TMEM191B: variants seen among roughly 807,000 people sequenced by gnomAD.
TMEM191B encodes transmembrane protein 191B.
A neutral mutation model predicts 26.6 loss-of-function variants in TMEM191B; 8 were observed. The ratio of observed to expected loss-of-function variants is 0.30; its 90% CI spans 0.18 to 0.54. The LOEUF is 0.54. TMEM191B is among the 20% of genes least tolerant of loss of function. The pLI, the probability that TMEM191B is intolerant of heterozygous loss-of-function variation, is 0.94. For synonymous variants in TMEM191B, 29 were observed against 113.7 expected (o/e 0.26, Z 4.74); for missense variants, 64 against 241.2 (o/e 0.27, Z 4.87).
At position 18,530,261 on chromosome 22, in the gene TMEM191B, CG is replaced by C; in HGVS notation, c.844del (p.Val282CysfsTer9). On this transcript the variant is annotated frameshift_variant, in exon 9 of 9. Transcript: ENST00000612978. LOFTEE classifies it high-confidence loss of function. ...GPRALAIRRC[V>X]LGALQVLLTL... ...CCCGCCTTTCGCCCCGCAGGCGGTG[CG>C]TGCTGGGCGCGCTGCAGGTGCTGCT... The C allele has an allele frequency of 1.8e-6, 1 of 547,796 alleles. No homozygotes were observed. Among genetic ancestry groups the C allele is most frequent in the Non-Finnish European group, 2.4e-6 (1 of 412,234 alleles). The allele number at this position is 547,796 out of a possible 1,614,324, so 33.9% of individuals were successfully genotyped here. A position where few individuals can be genotyped will look rare whatever the true frequency, so the allele number is the denominator to read the frequency against.
chr22:18,530,316 T>C lies in TMEM191B; in HGVS notation c.898T>C (p.Ser300Pro). The C allele has an allele frequency of 1.6e-6, 1 of 615,758 alleles. No individual in the cohort carries two copies. The allele number at this position is 615,758 out of a possible 1,614,324, so 38.1% of individuals were successfully genotyped here. The change falls in exon 9 of 9, where the codon TCG (serine) becomes CCG (proline). Residue 300 changes from serine (S) to proline (P), a missense_variant. Coordinates refer to ENST00000612978, the MANE Select transcript of TMEM191B (RefSeq NM_001242313.1). ...GCTGCCGCTCCTCTTCCTGGGGCTG[T>C]CGCTGCTCTGGACGGTGCTGTTGGA... Reference protein sequence around the residue: ...LTLPLLFLGLSLLWTVLLDPG... With the variant: ...LTLPLLFLGLPLLWTVLLDPG...
Position 18,528,573 on chromosome 22 carries a change from G to A in TMEM191B, c.311G>A (p.Arg104Gln), listed in dbSNP as rs1422801315. 5 of 1,437,334 alleles carry A rather than the reference G, an allele frequency of 3.5e-6. No individual in the cohort carries two copies. In the South Asian group the frequency reaches 5.4e-5, roughly 16 times the overall value. The allele number at this position is 1,437,334 out of a possible 1,614,324, so 89.0% of individuals were successfully genotyped here. Residue 104 changes from arginine to glutamine, a missense_variant, in exon 2 of 9, where the codon CGA (arginine) becomes CAA (glutamine). Physicochemically the swap from Arg to Gln is conservative, Grantham distance 43 (BLOSUM62 1). Coordinates refer to ENST00000612978, the MANE Select transcript of TMEM191B (RefSeq NM_001242313.1). ...TCCCTCTGCAGCCTGCTGCGGAGGC[G>A]AAGCCAGGCAGCGCAGCCTCTGCAA... ...SERERSLLRR[R>Q]SQAAQPLQGE...
Position 18,527,942 on chromosome 22 carries a change from ATCCGGCCTGACCCGCC to A in TMEM191B, c.-31_-16del. 1 of 288,096 alleles carries A rather than the reference ATCCGGCCTGACCCGCC, an allele frequency of 3.5e-6. No individual in the cohort carries two copies. The highest frequency in any genetic ancestry group is 5.8e-6 in the Non-Finnish European group (1 of 172,478). 17.8% of individuals were successfully genotyped at this position (288,096 alleles called of 1,614,324 possible). On this transcript the variant is annotated 5_prime_UTR_variant, in exon 1 of 9. Transcript: ENST00000612978. ...TTTCATCAGTGATGGACTAAGTGTG[ATCCGGCCTGACCCGCC>A]TCCGGCCGGCGTGAGAAGGGGCATG...
rs1437625475 is a variant in TMEM191B at position 18,529,979 on chromosome 22, C to A, written c.766C>A (p.Leu256Ile). Residue 256 changes from leucine to isoleucine, a missense_variant, in exon 7 of 9, where the codon CTC becomes ATC. Coordinates refer to ENST00000612978, the MANE Select transcript of TMEM191B (RefSeq NM_001242313.1). ...LRGVQYSTES[L>I]MEEMARADRE... ...CGGAGTGCAGTACAGCACCGAGTCG[C>A]TCATGGAGGAGATGGCCAGGGCGGA... The A allele has an allele frequency of 6.8e-7, 1 of 1,480,192 alleles. No individual in the cohort carries two copies. The highest frequency in any genetic ancestry group is 1.7e-5 in the African/African-American group (1 of 59,748). 91.7% of individuals were successfully genotyped at this position (1,480,192 alleles called of 1,614,324 possible). A position where few individuals can be genotyped will look rare whatever the true frequency, so the allele number is the denominator to read the frequency against.
chr22:18,529,042 G>A lies in TMEM191B; in HGVS notation c.495G>A (p.Gln165=), dbSNP rs182170117. ...AGCTCTTCTACGGAGGGGAACCGCA[G>A]AGCCAGAAGAGCACGGAGCAGCAAC... ...SSQLFYGGEP[Q]SQKSTEQQLA... Residue 165 remains glutamine (Q), a synonymous_variant, in exon 4 of 9, where the codon CAG becomes CAA. Transcript: ENST00000612978. The A allele has an allele frequency of 5.7e-3, 2,885 of 509,762 alleles. 216 individuals carry two copies. The African/African-American group carries it at 0.1, about 18-fold the overall frequency. 31.6% of individuals were successfully genotyped at this position (509,762 alleles called of 1,614,324 possible).
Position 18,528,591 on chromosome 22 carries a change from C to A in TMEM191B, c.329C>A (p.Pro110His). Residue 110 changes from proline (P) to histidine (H), a missense_variant, in exon 2 of 9, where the codon CCT (proline) becomes CAT (histidine). Physicochemically the swap from Pro to His is moderately conservative, Grantham distance 77. Around this residue, in one of 5 missense-constraint regions of TMEM191B, gnomAD observed 16 missense variants for 50.5 expected, o/e 0.32. Coordinates refer to ENST00000612978, the MANE Select transcript of TMEM191B (RefSeq NM_001242313.1). ...LLRRRSQAAQ[P>H]LQGEAREAAR... ...CGGAGGCGAAGCCAGGCAGCGCAGCCTCTGCAAGGGGAGGCGCGCGAGGCG... is the reference window on the plus strand; with the variant it reads ...CGGAGGCGAAGCCAGGCAGCGCAGCATCTGCAAGGGGAGGCGCGCGAGGCG... 1 of 1,419,094 alleles carries A rather than the reference C, an allele frequency of 7.0e-7. No individual in the cohort carries two copies. Among genetic ancestry groups the A allele is most frequent in the Non-Finnish European group, 9.3e-7 (1 of 1,078,530 alleles). 87.9% of individuals were successfully genotyped at this position (1,419,094 alleles called of 1,614,324 possible).
rs1185381404 is a variant in TMEM191B at position 18,528,669 on chromosome 22, A to T, written c.407A>T (p.His136Leu). 16 of 1,473,200 alleles carry T rather than the reference A, an allele frequency of 1.1e-5. No homozygotes were observed. Among genetic ancestry groups the T allele is most frequent in the Non-Finnish European group, 1.3e-5 (15 of 1,124,752 alleles). 91.3% of individuals were successfully genotyped at this position (1,473,200 alleles called of 1,614,324 possible). A position where few individuals can be genotyped will look rare whatever the true frequency, so the allele number is the denominator to read the frequency against. The part of the protein sequence containing the change: ...VRRRLEEAER[H>L]KEDLEQHSRQ... ...AGAAGACTGGAGGAGGCGGAGCGCCACAAGGAGGACTTGGTGAGGAAGAGT... is the reference window on the plus strand; with the variant it reads ...AGAAGACTGGAGGAGGCGGAGCGCCTCAAGGAGGACTTGGTGAGGAAGAGT... Residue 136 changes from histidine (H) to leucine (L), a missense_variant, in exon 2 of 9, where the codon CAC (histidine) becomes CTC (leucine). His to Leu is a moderately conservative substitution (Grantham distance 99). Transcript: ENST00000612978.
At position 18,528,634 on chromosome 22, in the gene TMEM191B, G is replaced by A. The variant is rs561583544; in HGVS notation, c.372G>A (p.Glu124=). The A allele has an allele frequency of 1.4e-5, 20 of 1,480,306 alleles. 1 individual carries two copies. The South Asian group carries it at 2.3e-4, about 17-fold the overall frequency. The allele number at this position is 1,480,306 out of a possible 1,614,324, so 91.7% of individuals were successfully genotyped here. A position where few individuals can be genotyped will look rare whatever the true frequency, so the allele number is the denominator to read the frequency against. ...EAREAARERA[E]RVRRRLEEAE... is the part of the protein sequence containing the mutation. ...GCGAGGCGGCGCGGGAGCGCGCGGA[G>A]CGGGTGCGCAGAAGACTGGAGGAGG... Residue 124 remains glutamate (E), a synonymous_variant, in exon 2 of 9, where the codon GAG becomes GAA. Transcript: ENST00000612978.
rs1350686667 is a variant in TMEM191B at position 18,530,441 on chromosome 22, C to T, written c.1023C>T (p.Asn341=). The T allele has an allele frequency of 8.8e-6, 5 of 566,306 alleles. No homozygotes were observed. In the African/African-American group the frequency reaches 1.5e-4, roughly 17 times the overall value. 35.1% of individuals were successfully genotyped at this position (566,306 alleles called of 1,614,324 possible). The part of the protein sequence containing the change: ...TLSPLLELRA[N]GLLPT ...CCCCGCTGCTGGAGCTGCGCGCTAA[C>T]GGGCTGCTGCCAACCTAAGTGCAGC... is the stretch of plus-strand genomic sequence containing the variant. The change falls in exon 9 of 9, where the codon AAC becomes AAT. Residue 341 remains asparagine, a synonymous_variant. Transcript: ENST00000612978.
chr22:18,528,220 G>A lies in TMEM191B; in HGVS notation c.240G>A (p.Glu80=). Residue 80 remains glutamate (E), a synonymous_variant, in exon 1 of 9, where the codon GAG becomes GAA. Coordinates refer to ENST00000612978, the MANE Select transcript of TMEM191B (RefSeq NM_001242313.1). The part of the protein sequence containing the change: ...QELEKLMRGL[E]AESESLNQRL... ...TAGAGAAGCTGATGCGCGGGCTCGA[G>A]GCCGAGAGCGAGAGCCTCAACCAGC... 1.2e-6 allele frequency: 1 copy of A among 834,568 alleles called. No homozygotes were observed. The highest frequency in any genetic ancestry group is 1.6e-6 in the Non-Finnish European group (1 of 627,672). 51.7% of individuals were successfully genotyped at this position (834,568 alleles called of 1,614,324 possible).
chr22:18,528,504 G>A (rs1932827878), intron 1 of TMEM191B, 55 bp from the exon 2 acceptor site: 1 of 888,570 alleles, frequency 1.1e-6, no homozygotes, highest in Non-Finnish European at 1.6e-6. Context: ...GGCGACTGCG[G>A]GATCCTGAGC....
intron 2 of TMEM191B, 36 bp downstream of exon 2, chr22:18,528,718 G>C: frequency 1.1e-6 from 1 of 882,798 alleles, no homozygotes; most frequent in Non-Finnish European, 1.6e-6. Flanking sequence ...TGGACCCAGG[G>C]TGGGGTGAGG....
Position 18,530,221 on chromosome 22 carries a change from G to A in TMEM191B, c.836+25G>A. 2 of 529,274 alleles carry A rather than the reference G, an allele frequency of 3.8e-6. 1 individual carries two copies. Among genetic ancestry groups the A allele is most frequent in the Non-Finnish European group, 5.0e-6 (2 of 401,570 alleles). 32.8% of individuals were successfully genotyped at this position (529,274 alleles called of 1,614,324 possible). A position where few individuals can be genotyped will look rare whatever the true frequency, so the allele number is the denominator to read the frequency against. On this transcript the variant is annotated intron_variant, in intron 8 of 8. Coordinates refer to ENST00000612978, the MANE Select transcript of TMEM191B (RefSeq NM_001242313.1). ...GGTGAGCCGGGCGGTGGGCGCGGCC[G>A]CGGTCCCCCACCTGCCCGCCTTTCG...
chr22:18,530,420 G>T lies in TMEM191B; in HGVS notation c.1002G>T (p.Pro334=), dbSNP rs1352019416. The T allele has an allele frequency of 3.1e-4, 174 of 559,486 alleles. 13 individuals carry two copies. In the African/African-American group the frequency reaches 4.6e-3, roughly 15 times the overall value. The allele number at this position is 559,486 out of a possible 1,614,324, so 34.7% of individuals were successfully genotyped here. Residue 334 remains proline, a synonymous_variant, in exon 9 of 9, where the codon CCG becomes CCT. Coordinates refer to ENST00000612978, the MANE Select transcript of TMEM191B (RefSeq NM_001242313.1). ...GCCGCCTGCGCTACACGCTGTCCCC[G>T]CTGCTGGAGCTGCGCGCTAACGGGC... ...TLRRLRYTLS[P]LLELRANGLL...
chr22:18,528,838 CAGG>C lies in TMEM191B; in HGVS notation c.445_447del (p.Glu149del). ...GCAGGAGCAGCACAGCAGGCAGCTG[CAGG>C]AGCAGTGGGAGGAGCTGTCGAGTCA... On this transcript the variant is annotated inframe_deletion, in exon 3 of 9. Transcript: ENST00000612978. 1 of 985,024 alleles carries C rather than the reference CAGG, an allele frequency of 1.0e-6. No individual in the cohort carries two copies. The highest frequency in any genetic ancestry group is 1.4e-6 in the Non-Finnish European group (1 of 695,764). The allele number at this position is 985,024 out of a possible 1,614,324, so 61.0% of individuals were successfully genotyped here.
At chr22:18,529,229 G>A (rs1296046115) in intron 4 of TMEM191B, 136 bp downstream of exon 4, 3 of 914,362 alleles carry the variant, frequency 3.3e-6, no homozygotes, top group Non-Finnish European at 4.7e-6. Context: ...GAGCACAATC[G>A]CATGGGGGCG....
chr22:18,529,240 G>T (rs1167817263), intron 4 of TMEM191B, 147 bp downstream of exon 4: 2 of 792,576 alleles, frequency 2.5e-6, no homozygotes, highest in Admixed American at 2.9e-5. Context: ...CATGGGGGCG[G>T]GGCTCTGAGG....
intron 4 of TMEM191B, 62 bp downstream of exon 4, chr22:18,529,155 G>A (rs1932837635): frequency 1.1e-6 from 1 of 935,762 alleles, no homozygotes; most frequent in Non-Finnish European, 1.6e-6. Flanking sequence ...GCGGGGCCGT[G>A]ACCACCTGGG....
chr22:18,529,190 A>G (rs1932838302), intron 4 of TMEM191B, 97 bp downstream of exon 4: 3 of 976,816 alleles, frequency 3.1e-6, no homozygotes, highest in Admixed American at 2.4e-5. Flanking sequence ...CAGGCCCTGA[A>G]GGCGTGGGCG....
Sources: allele counts gnomAD v4.1 joint callset, GRCh38; gene constraint gnomAD v4.1.1; regional missense constraint gnomAD v4.1.1; transcripts MANE v1.5; gene names NCBI Gene and HGNC (gene_info 2026-07-23, HGNC 2026-07-21).